Variants in PPM1H observed in about 807,000 individuals in gnomAD.
The protein encoded by PPM1H is protein phosphatase 1H.
A neutral mutation model predicts 54.9 loss-of-function variants in PPM1H; 27 were observed. That is an observed-to-expected ratio of 0.49 (90% CI 0.36 to 0.68). The LOEUF is 0.68. Among genes scored for constraint, PPM1H ranks in the 30% least tolerant of loss-of-function variants. PPM1H has a pLI of 0.00. For missense variants in PPM1H, 596 were observed against 667.8 expected, an observed-to-expected ratio of 0.89 and a Z score of 1.19; for synonymous variants, 305 against 270.8, an observed-to-expected ratio of 1.13 and a Z score of -1.24.
intron 1 of PPM1H, among the ~76,000 whole-genome samples, chr12:62,879,229 T>G (rs1202457780): frequency 2.6e-5 from 4 of 152,202 alleles, no homozygotes; most frequent in Non-Finnish European, 5.9e-5. Flanking sequence ...GGATCTTCTC[T>G]CCTCCTCAAA....
chr12:62,705,705 T>C (rs1468986286), intron 6 of PPM1H, among the ~76,000 whole-genome samples: 1 of 152,174 alleles, frequency 6.6e-6, no homozygotes, highest in African/African-American at 2.4e-5. Context: ...TTTAGCTCTC[T>C]CCACCGATAT....
intron 1 of PPM1H, among the ~76,000 whole-genome samples, chr12:62,885,907 T>C (rs150376796): frequency 1.9e-3 from 291 of 152,348 alleles, no homozygotes; most frequent in African/African-American, 6.5e-3. Context: ...CACCTGCTTA[T>C]AGTAACATCA....
chr12:62,910,282 A>T (rs1256046763), intron 1 of PPM1H, among the ~76,000 whole-genome samples: 3 of 152,208 alleles, frequency 2.0e-5, no homozygotes, highest in Non-Finnish European at 4.4e-5. Flanking sequence ...GATTAAGTGA[A>T]TACATTGGGA....
chr12:62,798,232 A>AG (rs1344498708), intron 3 of PPM1H, among the ~76,000 whole-genome samples: 1 of 152,104 alleles, frequency 6.6e-6, no homozygotes, highest in Non-Finnish European at 1.5e-5. Context: ...GGAAAGAGGG[A>AG]GGGTATGGTC....
intron 5 of PPM1H, among the ~76,000 whole-genome samples, chr12:62,731,568 C>T (rs374020954): frequency 5.9e-5 from 9 of 152,152 alleles, no homozygotes; most frequent in East Asian, 5.8e-4. Flanking sequence ...GAACCCGGCT[C>T]GGCGTTGAGA....
chr12:62,800,346 G>C (rs1443437403), intron 3 of PPM1H, among the ~76,000 whole-genome samples: 2 of 148,288 alleles, frequency 1.3e-5, no homozygotes, highest in Admixed American at 1.3e-4. Flanking sequence ...TTGTTTATTT[G>C]TTTTTTTGAG....
chr12:62,700,240 T>C lies in PPM1H; in HGVS notation c.1074-6241A>G, dbSNP rs115878104. Among the ~76,000 whole-genome samples the C allele has an allele frequency of 7.1e-3, 1,088 of 152,300 alleles. 18 individuals carry two copies. Among genetic ancestry groups the C allele is most frequent in the African/African-American group, 0.025 (1,047 of 41,566 alleles). On this transcript the variant is annotated intron_variant, in intron 6 of 9. Transcript: ENST00000228705. ...CCTAGCTCACTTCCTGCTGACCTTC[T>C]TCTCTGTTCCCCATCATCACCCTGG...
intron 6 of PPM1H, among the ~76,000 whole-genome samples, chr12:62,705,657 C>T (rs2076168979): frequency 6.6e-6 from 1 of 152,180 alleles, no homozygotes. Flanking sequence ...TGTGCATTCA[C>T]ACTTGGCCGT....
intron 2 of PPM1H, among the ~76,000 whole-genome samples, chr12:62,819,658 TTTG>T (rs575532500): frequency 1.3e-4 from 20 of 152,220 alleles, no homozygotes; most frequent in African/African-American, 3.6e-4. Flanking sequence ...TTAAGTTTGT[TTTG>T]TTGTTGTTGT....
chr12:62,770,348 G>C (rs1014689382), intron 4 of PPM1H, among the ~76,000 whole-genome samples: 1 of 152,064 alleles, frequency 6.6e-6, no homozygotes, highest in Non-Finnish European at 1.5e-5. Context: ...AGAGAGGTTA[G>C]GCATTTTGTT....
Position 62,645,315 on chromosome 12 carries a change from C to G in PPM1H, c.*3174G>C, listed in dbSNP as rs901293069. The G allele has an allele frequency of 6.6e-6, 1 of 152,226 alleles. No individual in the cohort carries two copies. The highest frequency in any genetic ancestry group is 2.4e-5 in the African/African-American group (1 of 41,460). The allele number at this position is 152,226 out of a possible 1,614,324, so 9.4% of individuals were successfully genotyped here. A position where few individuals can be genotyped will look rare whatever the true frequency, so the allele number is the denominator to read the frequency against. On this transcript the variant is annotated 3_prime_UTR_variant, in exon 10 of 10. Transcript: ENST00000228705. ...GGTGGTCACAGCTGACTTCACAAAG[C>G]CTCATGGAGGTTAAGTTGTTCAAGA...
chr12:62,821,524 A>T (rs1398460080), intron 2 of PPM1H, among the ~76,000 whole-genome samples: 1 of 152,232 alleles, frequency 6.6e-6, no homozygotes, highest in Admixed American at 6.5e-5. Flanking sequence ...AGCCAGAGAG[A>T]AAGGTCGGGT....
At chr12:62,932,916 T>G (rs926252210) in intron 1 of PPM1H, among the ~76,000 whole-genome samples, 12 of 152,086 alleles carry the variant, frequency 7.9e-5, no homozygotes, top group African/African-American at 2.9e-4. Flanking sequence ...ATTACAGGCG[T>G]GAACCACCGC....
chr12:62,852,345 T>C lies in PPM1H; in HGVS notation c.246-20066A>G, dbSNP rs140123473. On this transcript the variant is annotated intron_variant, in intron 1 of 9. Coordinates refer to ENST00000228705, the MANE Select transcript of PPM1H (RefSeq NM_020700.2). ...ATAAGAGAAACCCCTGGGAGCTCTC[T>C]GGCTTTCTTTCCTACATGTGAGGCT... is the stretch of plus-strand genomic sequence containing the variant. Among the ~76,000 whole-genome samples the C allele has an allele frequency of 1.6e-4, 24 of 151,956 alleles. No individual in the cohort carries two copies. The East Asian group carries it at 4.7e-3, about 29-fold the overall frequency.
At chr12:62,924,526 G>T (rs1871911734) in intron 1 of PPM1H, among the ~76,000 whole-genome samples, 1 of 152,172 alleles carries the variant, frequency 6.6e-6, no homozygotes, top group South Asian at 2.1e-4. Context: ...TAATCCAAGT[G>T]CATAAGGAGA....
At chr12:62,820,606 C>A (rs1162820372) in intron 2 of PPM1H, among the ~76,000 whole-genome samples, 2 of 152,216 alleles carry the variant, frequency 1.3e-5, no homozygotes, top group Non-Finnish European at 2.9e-5. Flanking sequence ...GCAGCCTCCG[C>A]TGGTGATACC....
At chr12:62,861,668 G>A (rs1028272646) in intron 1 of PPM1H, among the ~76,000 whole-genome samples, 11 of 152,208 alleles carry the variant, frequency 7.2e-5, no homozygotes, top group Admixed American at 3.9e-4. Context: ...GTGAGGAAAC[G>A]AACCCTCACC....
chr12:62,871,409 TAATA>T (rs1280224380), intron 1 of PPM1H, among the ~76,000 whole-genome samples: 1 of 152,072 alleles, frequency 6.6e-6, no homozygotes, highest in Non-Finnish European at 1.5e-5. Flanking sequence ...TAGTTACTGC[TAATA>T]AATACAGTGT....
intron 1 of PPM1H, among the ~76,000 whole-genome samples, chr12:62,888,843 T>C (rs1565820610): frequency 1.3e-5 from 2 of 152,194 alleles, no homozygotes; most frequent in African/African-American, 2.4e-5. Context: ...ATTGAGAGGA[T>C]ACTTGGCTAA....
Sources: allele counts gnomAD v4.1 joint callset (sites outside exome capture counted in the v4.1 genomes callset), GRCh38; gene constraint gnomAD v4.1.1; transcripts MANE v1.5; gene names NCBI Gene and HGNC (gene_info 2026-07-23, HGNC 2026-07-21).